Variants in ELAVL4 observed in about 807,000 individuals in gnomAD.
The protein encoded by ELAVL4 is ELAV like RNA binding protein 4, also known as ELAV-like protein 4.
A neutral mutation model predicts 35.6 loss-of-function variants in ELAVL4; 1 was observed. The ratio of observed to expected loss-of-function variants is 0.03; its 90% CI spans 0.01 to 0.13. The LOEUF (loss-of-function observed/expected upper bound fraction) is 0.13. ELAVL4 is among the 10% of genes least tolerant of loss of function. The pLI is 1.00. For synonymous variants in ELAVL4, 156 were observed against 171.0 expected (o/e 0.91, Z 0.69); for missense variants, 267 against 464.9 (o/e 0.57, Z 3.91).
intron 2 of ELAVL4, chr1:50,174,882 T>C (rs539604924): frequency 6.6e-6 from 1 of 152,322 alleles, no homozygotes; most frequent in Non-Finnish European, 1.5e-5. Flanking sequence ...CCTCCACATA[T>C]ATTCCATCAG....
At chr1:50,137,156 G>C (rs1275975795) in intron 1 of ELAVL4, among the ~76,000 whole-genome samples, 3 of 152,180 alleles carry the variant, frequency 2.0e-5, no homozygotes, top group African/African-American at 7.2e-5. Flanking sequence ...TCACAGGCTT[G>C]AATGGGAAGG....
intron 1 of ELAVL4, among the ~76,000 whole-genome samples, chr1:50,067,459 T>A (rs1433289618): frequency 6.6e-6 from 1 of 151,912 alleles, no homozygotes; most frequent in East Asian, 1.9e-4. Context: ...CCTCAAGGAG[T>A]TTCCAGCCAT....
rs372286306 is a variant in ELAVL4 at position 50,198,433 on chromosome 1, AC to A, written c.773+971del. On this transcript the variant is annotated intron_variant, in intron 6 of 6. Coordinates refer to ENST00000371824, the MANE Select transcript of ELAVL4 (RefSeq NM_001144774.3). ...TGTAGTCTTTAATAGTCCACATCAC[AC>A]CCCCAGTTCTTTCACTGGCCATCCA... Among the ~76,000 whole-genome samples, 121 of 152,066 alleles carry A rather than the reference AC, an allele frequency of 8.0e-4. 1 individual carries two copies. The East Asian group carries it at 0.02, about 25-fold the overall frequency.
At chr1:50,153,900 A>C (rs1675249929) in intron 2 of ELAVL4, among the ~76,000 whole-genome samples, 1 of 152,240 alleles carries the variant, frequency 6.6e-6, no homozygotes, top group South Asian at 2.1e-4. Context: ...GCAAGAAGGC[A>C]GCTATCTGCA....
chr1:50,095,957 AAGAGGAATAATACCTTCCGTTGGT>A (rs1231594778), intron 1 of ELAVL4, among the ~76,000 whole-genome samples: 1 of 152,162 alleles, frequency 6.6e-6, no homozygotes, highest in Non-Finnish European at 1.5e-5. Flanking sequence ...GAACATTTCT[AAGAGGAATAATACCTTCCGTTGGT>A]AGAGCTTTCT....
intron 1 of ELAVL4, among the ~76,000 whole-genome samples, chr1:50,097,285 C>T (rs541142321): frequency 5.3e-5 from 8 of 152,236 alleles, no homozygotes; most frequent in South Asian, 2.1e-4. Context: ...GCTACTACCC[C>T]GGCTCTTTCT....
At chr1:50,181,650 G>GT (rs1313522255) in intron 3 of ELAVL4, among the ~76,000 whole-genome samples, 1 of 150,026 alleles carries the variant, frequency 6.7e-6, no homozygotes, top group Non-Finnish European at 1.5e-5. Flanking sequence ...GTTTAGCTTT[G>GT]TTTTTGGTTT....
At chr1:50,070,198 G>A (rs1230079668) in intron 1 of ELAVL4, among the ~76,000 whole-genome samples, 1 of 152,168 alleles carries the variant, frequency 6.6e-6, no homozygotes, top group South Asian at 2.1e-4. Flanking sequence ...GGAATGAAGT[G>A]GATAGCAGTT....
chr1:50,054,409 A>C (rs750794504), intron 1 of ELAVL4, among the ~76,000 whole-genome samples: 2 of 152,132 alleles, frequency 1.3e-5, no homozygotes, highest in East Asian at 3.9e-4. Flanking sequence ...TTAATTTTTC[A>C]CTTATTTAAT....
intron 1 of ELAVL4, 24 bp downstream of exon 1, chr1:50,109,222 CT>C: frequency 6.2e-7 from 1 of 1,611,286 alleles, no homozygotes; most frequent in Non-Finnish European, 8.5e-7. Flanking sequence ...GATTTATAAT[CT>C]GTTGTTTGTG....
chr1:50,134,477 T>A (rs2148653463), intron 1 of ELAVL4, among the ~76,000 whole-genome samples: 1 of 152,268 alleles, frequency 6.6e-6, no homozygotes, highest in Non-Finnish European at 1.5e-5. Context: ...TTTAGTTATT[T>A]TATCCACATT....
At chr1:50,105,392 T>A (rs1208850301), upstream of ELAVL4, among the ~76,000 whole-genome samples, 2 of 152,230 alleles carry the variant, frequency 1.3e-5, no homozygotes, top group African/African-American at 4.8e-5. Context: ...TTCGCAGTTC[T>A]TATTAGAATT....
chr1:50,122,962 A>G (rs1669274894), intron 1 of ELAVL4, among the ~76,000 whole-genome samples: 1 of 152,006 alleles, frequency 6.6e-6, no homozygotes, highest in African/African-American at 2.4e-5. Context: ...GTAGTCTGTA[A>G]ATATGTAGTA....
intron 2 of ELAVL4, among the ~76,000 whole-genome samples, chr1:50,168,379 A>G (rs1384804764): frequency 2.0e-5 from 3 of 152,186 alleles, no homozygotes; most frequent in Non-Finnish European, 4.4e-5. Flanking sequence ...ACACCTGGCG[A>G]GGCTGTGCAT....
Position 50,200,962 on chromosome 1 carries a change from T to C in ELAVL4, c.885T>C (p.Asp295=), listed in dbSNP as rs1235959681. The C allele has an allele frequency of 1.9e-6, 3 of 1,614,002 alleles. No individual in the cohort carries two copies. Among genetic ancestry groups the C allele is most frequent in the African/African-American group, 1.3e-5 (1 of 74,906 alleles). The change falls in exon 7 of 7, where the codon GAT becomes GAC. Residue 295 remains aspartate, a synonymous_variant. Coordinates refer to ENST00000371824, the MANE Select transcript of ELAVL4 (RefSeq NM_001144774.3). ...TCTACAACCTGTCCCCCGATTCCGA[T>C]GAGAGTGTCCTCTGGCAGCTCTTTG... ...IFVYNLSPDS[D]ESVLWQLFGP...
intron 1 of ELAVL4, among the ~76,000 whole-genome samples, chr1:50,118,708 G>T (rs1279002396): frequency 6.6e-6 from 1 of 151,916 alleles, no homozygotes; most frequent in African/African-American, 2.4e-5. Flanking sequence ...GGGACCTGTT[G>T]CTGTGACCTG....
chr1:50,182,782 G>T (rs1369421910), intron 3 of ELAVL4, among the ~76,000 whole-genome samples: 3 of 151,880 alleles, frequency 2.0e-5, no homozygotes, highest in African/African-American at 7.3e-5. Context: ...TAAATAATTT[G>T]GTATGTACAG....
intron 1 of ELAVL4, 150 bp downstream of exon 1, chr1:50,109,348 C>G: frequency 1.3e-6 from 1 of 748,314 alleles, no homozygotes; most frequent in Non-Finnish European, 2.1e-6. Flanking sequence ...GTAGAGAGTG[C>G]GGGTAGGTCC....
chr1:50,108,621 A>C (rs1265588134), upstream of ELAVL4, among the ~76,000 whole-genome samples: 1 of 152,138 alleles, frequency 6.6e-6, no homozygotes, highest in African/African-American at 2.4e-5. Flanking sequence ...TTAGGTTTGC[A>C]AGCCTCCAGT....
Sources: allele counts gnomAD v4.1 joint callset (sites outside exome capture counted in the v4.1 genomes callset), GRCh38; gene constraint gnomAD v4.1.1; transcripts MANE v1.5; gene names NCBI Gene and HGNC (gene_info 2026-07-23, HGNC 2026-07-21).